Variants in CMTM6 observed in about 807,000 individuals in gnomAD.
CMTM6 encodes CKLF like MARVEL transmembrane domain containing 6.
In CMTM6, 5 loss-of-function variants were observed where a neutral mutation model predicts 13.6. The observed-to-expected ratio is 0.37, with a 90% CI of 0.19 to 0.77. CMTM6 has a LOEUF of 0.77. CMTM6 is among the 30% of genes least tolerant of loss of function. The pLI is 0.50. For synonymous variants in CMTM6, 99 were observed against 84.5 expected, an observed-to-expected ratio of 1.17 and a Z score of -0.94; for missense variants, 196 against 218.6, an observed-to-expected ratio of 0.90 and a Z score of 0.65.
chr3:32,484,192 G>A (rs1412168043), intron 3 of CMTM6, 95 bp from the exon 4 acceptor site: 1 of 1,147,856 alleles, frequency 8.7e-7, no homozygotes, highest in Non-Finnish European at 1.2e-6. Context: ...TAAACAAGAT[G>A]TTCATGAATT....
chr3:32,488,119 G>T, intron 2 of CMTM6, 83 bp from the exon 3 acceptor site: 2 of 967,672 alleles, frequency 2.1e-6, no homozygotes, highest in Non-Finnish European at 3.1e-6. Context: ...ACTTTAAAAA[G>T]CTCTGGCTAC....
intron 1 of CMTM6, among the ~76,000 whole-genome samples, chr3:32,495,442 C>G (rs1697282425): frequency 6.6e-6 from 1 of 152,194 alleles, no homozygotes; most frequent in African/African-American, 2.4e-5. Context: ...TAATAAAATA[C>G]TAAATATCTA....
chr3:32,498,297 C>A (rs963467446), intron 1 of CMTM6, among the ~76,000 whole-genome samples: 1 of 152,188 alleles, frequency 6.6e-6, no homozygotes, highest in Non-Finnish European at 1.5e-5. Flanking sequence ...AGACAAGAAC[C>A]CAAGTCTCTG....
chr3:32,496,011 G>C (rs904792537), intron 1 of CMTM6, among the ~76,000 whole-genome samples: 4 of 152,014 alleles, frequency 2.6e-5, no homozygotes, highest in African/African-American at 9.7e-5. Context: ...GACCAGCCTG[G>C]CCAACATGGC....
In CMTM6 at chr3:32,502,757, G is replaced by C; in HGVS notation, c.-12C>G. The stretch of plus-strand genomic sequence containing the variant: ...GCTCCGTTCTCCATCGCCTCGGGCC[G>C]GGGAGCGCGGCGGCCGCAGCAACCG... On this transcript the variant is annotated 5_prime_UTR_variant, in exon 1 of 4. Coordinates refer to ENST00000205636, the MANE Select transcript of CMTM6 (RefSeq NM_017801.3). The C allele has an allele frequency of 7.0e-7, 1 of 1,420,188 alleles. No individual in the cohort carries two copies. Among genetic ancestry groups the C allele is most frequent in the Non-Finnish European group, 9.2e-7 (1 of 1,086,730 alleles). The allele number at this position is 1,420,188 out of a possible 1,614,324, so 88.0% of individuals were successfully genotyped here.
At position 32,498,597 on chromosome 3, in the gene CMTM6, C is replaced by CTTT. The variant is rs58720077; in HGVS notation, c.138+4008_138+4010dup. Among the ~76,000 whole-genome samples the CTTT allele has an allele frequency of 7.5e-3, 956 of 127,046 alleles. 46 individuals carry two copies. Among genetic ancestry groups the CTTT allele is most frequent in the African/African-American group, 0.025 (817 of 32,740 alleles). The allele number at this position is 127,046 out of a possible 152,430, so 83.3% of individuals were successfully genotyped here. A position where few individuals can be genotyped will look rare whatever the true frequency, so the allele number is the denominator to read the frequency against. On this transcript the variant is annotated intron_variant, in intron 1 of 3. Coordinates refer to ENST00000205636, the MANE Select transcript of CMTM6 (RefSeq NM_017801.3). The stretch of plus-strand genomic sequence containing the variant: ...CTCCATTTCAGTTTCACTACCCCTT[C>CTTT]TTTTTTTTTTTTTTTTTTCTGAGAT...
intron 2 of CMTM6, among the ~76,000 whole-genome samples, chr3:32,490,216 A>G (rs1697239789): frequency 6.6e-6 from 1 of 151,958 alleles, no homozygotes. Context: ...ACTGCACTCC[A>G]GCCTGGGTAA....
chr3:32,498,855 G>A (rs553019156), intron 1 of CMTM6, among the ~76,000 whole-genome samples: 48 of 151,938 alleles, frequency 3.2e-4, no homozygotes, highest in Non-Finnish European at 2.4e-4. Flanking sequence ...TGGGATTACA[G>A]GCATGAGCCA....
rs771204693 is a variant in CMTM6 at position 32,483,978 on chromosome 3, A to C, written c.534T>G (p.Thr178=). ...PENTTRAEAL[T]EPLNA ...AGAGTCTTTAGGCATTAAGTGGCTC[A>C]GTGAGGGCTTCAGCCCTAGTGGTAT... The change falls in exon 4 of 4, where the codon ACT becomes ACG. Residue 178 remains threonine, a synonymous_variant. Coordinates refer to ENST00000205636, the MANE Select transcript of CMTM6 (RefSeq NM_017801.3). The C allele has an allele frequency of 4.4e-6, 7 of 1,606,990 alleles. No individual in the cohort carries two copies. In the East Asian group the frequency reaches 1.6e-4, roughly 36 times the overall value.
intron 1 of CMTM6, among the ~76,000 whole-genome samples, chr3:32,501,789 A>T (rs1697347668): frequency 6.6e-6 from 1 of 152,192 alleles, no homozygotes; most frequent in Non-Finnish European, 1.5e-5. Flanking sequence ...GCAGAAATAG[A>T]ACCTAAACTG....
At chr3:32,489,269 C>CAA (rs34775532) in intron 2 of CMTM6, among the ~76,000 whole-genome samples, 1,737 of 94,376 alleles carry the variant, frequency 0.018, 46 homozygotes, top group Middle Eastern at 0.041. Flanking sequence ...GACTCCATCT[C>CAA]AAAAAAAAAA....
chr3:32,485,794 T>G (rs4955156), intron 3 of CMTM6, among the ~76,000 whole-genome samples: 3 of 152,200 alleles, frequency 2.0e-5, no homozygotes, highest in Non-Finnish European at 4.4e-5. Context: ...AGCCATGCAA[T>G]TCTCTGAACT....
At chr3:32,492,149 G>A (rs1038419014) in intron 1 of CMTM6, among the ~76,000 whole-genome samples, 3 of 152,186 alleles carry the variant, frequency 2.0e-5, no homozygotes, top group Non-Finnish European at 2.9e-5. Flanking sequence ...AAAGCACACA[G>A]GAGAGACGCT....
chr3:32,484,675 T>C (rs1028444714), intron 3 of CMTM6, among the ~76,000 whole-genome samples: 4 of 152,158 alleles, frequency 2.6e-5, no homozygotes, highest in Non-Finnish European at 4.4e-5. Flanking sequence ...TAAAATACGA[T>C]CATACGTTCT....
intron 1 of CMTM6, among the ~76,000 whole-genome samples, chr3:32,493,664 C>A (rs542660461): frequency 1.3e-5 from 2 of 151,950 alleles, no homozygotes; most frequent in African/African-American, 4.8e-5. Context: ...TGAAGATTTA[C>A]GGGATATGCA....
chr3:32,483,578 T>C lies in CMTM6; in HGVS notation c.*382A>G, dbSNP rs1697174501. The C allele has an allele frequency of 1.3e-5, 2 of 154,854 alleles. No individual in the cohort carries two copies. The highest frequency in any genetic ancestry group is 1.4e-5 in the Non-Finnish European group (1 of 69,974). 9.6% of individuals were successfully genotyped at this position (154,854 alleles called of 1,614,324 possible). A position where few individuals can be genotyped will look rare whatever the true frequency, so the allele number is the denominator to read the frequency against. On this transcript the variant is annotated 3_prime_UTR_variant, in exon 4 of 4. Transcript: ENST00000205636. ...AAAAATAAAACAATTTCTAAGTAGATGAATATAATCACGATGTTTATACAG... is the reference window on the plus strand; with the variant it reads ...AAAAATAAAACAATTTCTAAGTAGACGAATATAATCACGATGTTTATACAG...
Position 32,482,318 on chromosome 3 carries a change from T to C in CMTM6, c.*1642A>G, listed in dbSNP as rs1697161936. ...ACTGACCAATTTCTGAGAACCACAT[T>C]AGCCACATTCATGCAATTAAAACCC... On this transcript the variant is annotated 3_prime_UTR_variant, in exon 4 of 4. Coordinates refer to ENST00000205636, the MANE Select transcript of CMTM6 (RefSeq NM_017801.3). The C allele has an allele frequency of 6.6e-6, 1 of 151,448 alleles. No individual in the cohort carries two copies. 9.4% of individuals were successfully genotyped at this position (151,448 alleles called of 1,614,324 possible).
At position 32,497,397 on chromosome 3, in the gene CMTM6, A is replaced by G. The variant is rs372701569; in HGVS notation, c.138+5211T>C. Among the ~76,000 whole-genome samples the G allele has an allele frequency of 3.8e-3, 530 of 139,332 alleles. 7 individuals carry two copies. Among genetic ancestry groups the G allele is most frequent in the African/African-American group, 8.9e-3 (304 of 34,270 alleles). The allele number at this position is 139,332 out of a possible 152,430, so 91.4% of individuals were successfully genotyped here. A position where few individuals can be genotyped will look rare whatever the true frequency, so the allele number is the denominator to read the frequency against. On this transcript the variant is annotated intron_variant, in intron 1 of 3. Coordinates refer to ENST00000205636, the MANE Select transcript of CMTM6 (RefSeq NM_017801.3). ...GACTCTGTCTCAAAAAAAAAAAAAA[A>G]AAAGAAAGAAAAAACTCCTTAAAAA... is the stretch of plus-strand genomic sequence containing the variant.
In CMTM6 at chr3:32,497,180, A is replaced by G. The variant is rs537954004; in HGVS notation, c.139-5294T>C. 2.5e-4 allele frequency among the ~76,000 whole-genome samples: 38 copies of G among 150,756 alleles called. No individual in the cohort carries two copies. The East Asian group carries it at 6.6e-3, about 26-fold the overall frequency. On this transcript the variant is annotated intron_variant, in intron 1 of 3. Coordinates refer to ENST00000205636, the MANE Select transcript of CMTM6 (RefSeq NM_017801.3). The stretch of plus-strand genomic sequence containing the variant: ...GGGCGGATCACGAGGTCAGGAGATC[A>G]AGACCATCCTGGCTAACATGGTGAA...
Sources: allele counts gnomAD v4.1 joint callset (sites outside exome capture counted in the v4.1 genomes callset), GRCh38; gene constraint gnomAD v4.1.1; transcripts MANE v1.5; gene names NCBI Gene and HGNC (gene_info 2026-07-23, HGNC 2026-07-21).